MACROD2: variants seen among roughly 807,000 people sequenced by gnomAD.
MACROD2 encodes mono-ADP ribosylhydrolase 2.
In MACROD2, 36 loss-of-function variants were observed where a neutral mutation model predicts 70.4. The observed-to-expected ratio is 0.51, with a 90% CI of 0.39 to 0.68. The LOEUF is 0.68. Among genes scored for constraint, MACROD2 ranks in the 30% least tolerant of loss-of-function variants. The pLI is 0.00. For synonymous variants in MACROD2, 172 were observed against 178.8 expected, an observed-to-expected ratio of 0.96 and a Z score of 0.30; for missense variants, 496 against 538.4, an observed-to-expected ratio of 0.92 and a Z score of 0.78.
At chr20:14,822,015 C>A (rs2072850853) in intron 5 of MACROD2, among the ~76,000 whole-genome samples, 1 of 151,970 alleles carries the variant, frequency 6.6e-6, no homozygotes, top group African/African-American at 2.4e-5. Context: ...ATTCAGAAAT[C>A]CATAAAGTAG....
chr20:14,843,542 A>C (rs1363224096), intron 5 of MACROD2, among the ~76,000 whole-genome samples: 2 of 152,036 alleles, frequency 1.3e-5, no homozygotes, highest in African/African-American at 4.8e-5. Context: ...TGTCCTGTTG[A>C]TGGACTGAAA....
intron 8 of MACROD2, among the ~76,000 whole-genome samples, chr20:15,547,681 T>C (rs2048042847): frequency 6.6e-6 from 1 of 152,226 alleles, no homozygotes; most frequent in South Asian, 2.1e-4. Flanking sequence ...CATTTAGTCG[T>C]TCTCCTCTGC....
intron 6 of MACROD2, among the ~76,000 whole-genome samples, chr20:15,399,980 C>T (rs985175944): frequency 2.0e-5 from 3 of 152,132 alleles, no homozygotes; most frequent in African/African-American, 7.2e-5. Flanking sequence ...GTGGAACCCA[C>T]CCATGTTCAG....
At chr20:15,574,215 AT>A (rs201593391) in intron 8 of MACROD2, among the ~76,000 whole-genome samples, 1 of 151,640 alleles carries the variant, frequency 6.6e-6, no homozygotes, top group Non-Finnish European at 1.5e-5. Context: ...TGTCATAATG[AT>A]TTTTTTTTAC....
At chr20:14,280,042 A>G (rs2082294361) in intron 3 of MACROD2, among the ~76,000 whole-genome samples, 1 of 152,170 alleles carries the variant, frequency 6.6e-6, no homozygotes, top group Admixed American at 6.5e-5. Context: ...TTATTAACCT[A>G]GAACATGTGT....
chr20:14,473,782 C>T (rs921667560), intron 3 of MACROD2, among the ~76,000 whole-genome samples: 1 of 152,132 alleles, frequency 6.6e-6, no homozygotes, highest in African/African-American at 2.4e-5. Flanking sequence ...TGTAAGAGTT[C>T]CCCTTTCTTC....
intron 8 of MACROD2, among the ~76,000 whole-genome samples, chr20:15,800,998 C>G (rs3865533): frequency 2.0e-5 from 3 of 150,924 alleles, no homozygotes; most frequent in East Asian, 4.0e-4. Flanking sequence ...CAGCATGCTC[C>G]TTAAGAGTCA....
At chr20:14,688,095 G>A (rs2071022895) in intron 5 of MACROD2, among the ~76,000 whole-genome samples, 1 of 152,110 alleles carries the variant, frequency 6.6e-6, no homozygotes, top group Admixed American at 6.6e-5. Flanking sequence ...TGAAAAGGGA[G>A]CTCGTTACAT....
intron 5 of MACROD2, among the ~76,000 whole-genome samples, chr20:15,020,206 GT>G (rs2075154356): frequency 2.6e-5 from 4 of 152,266 alleles, no homozygotes; most frequent in African/African-American, 9.6e-5. Flanking sequence ...CCACTACTGT[GT>G]TCTCTTGATT....
intron 5 of MACROD2, among the ~76,000 whole-genome samples, chr20:14,700,783 C>A (rs1453035284): frequency 6.6e-6 from 1 of 152,064 alleles, no homozygotes; most frequent in Non-Finnish European, 1.5e-5. Flanking sequence ...AATCTACATA[C>A]CAAACATAGG....
At chr20:14,062,280 T>C (rs947788568) in intron 2 of MACROD2, among the ~76,000 whole-genome samples, 5 of 152,182 alleles carry the variant, frequency 3.3e-5, no homozygotes, top group Non-Finnish European at 7.4e-5. Flanking sequence ...GTGTTTACCA[T>C]GTGTCAGTCA....
chr20:15,070,533 C>G (rs1014357624), intron 5 of MACROD2, among the ~76,000 whole-genome samples: 8 of 152,074 alleles, frequency 5.3e-5, no homozygotes, highest in Admixed American at 5.2e-4. Context: ...GTGTTTAGCT[C>G]TTAGGGAGCA....
intron 5 of MACROD2, among the ~76,000 whole-genome samples, chr20:15,105,200 T>C (rs925038717): frequency 2.0e-5 from 3 of 152,186 alleles, no homozygotes; most frequent in African/African-American, 7.2e-5. Flanking sequence ...GATGTTTTTT[T>C]TCTCTCCAAC....
chr20:14,097,075 C>G (rs913677836), intron 3 of MACROD2, among the ~76,000 whole-genome samples: 2 of 152,204 alleles, frequency 1.3e-5, no homozygotes, highest in Non-Finnish European at 2.9e-5. Context: ...AATATTTCCT[C>G]TATTTCCCAA....
chr20:14,067,744 C>T (rs987806959), intron 2 of MACROD2, among the ~76,000 whole-genome samples: 4 of 152,098 alleles, frequency 2.6e-5, no homozygotes, highest in African/African-American at 9.7e-5. Context: ...ATAAAAAATC[C>T]TGGGAGAGTG....
chr20:14,623,629 G>A (rs191139783), intron 4 of MACROD2, among the ~76,000 whole-genome samples: 18 of 152,154 alleles, frequency 1.2e-4, no homozygotes, highest in African/African-American at 1.7e-4. Context: ...ACAGATGGTC[G>A]TGTTCTGGAG....
At chr20:15,530,716 C>CAAAAAAAAAAAA (rs57826871) in intron 8 of MACROD2, among the ~76,000 whole-genome samples, 1 of 90,592 alleles carries the variant, frequency 1.1e-5, no homozygotes. Context: ...CTCCATCTCA[C>CAAAAAAAAAAAA]AAAAAAAAAA....
intron 5 of MACROD2, among the ~76,000 whole-genome samples, chr20:14,798,404 T>G (rs2122130859): frequency 6.6e-6 from 1 of 152,204 alleles, no homozygotes; most frequent in East Asian, 1.9e-4. Context: ...AGGTCTGGTT[T>G]GGGAAGATCA....
intron 5 of MACROD2, among the ~76,000 whole-genome samples, chr20:14,705,421 C>T (rs2071257815): frequency 6.6e-6 from 1 of 152,148 alleles, no homozygotes; most frequent in Non-Finnish European, 1.5e-5. Flanking sequence ...TGTATTGTCA[C>T]TGAATGAATA....
Sources: allele counts gnomAD v4.1 joint callset (sites outside exome capture counted in the v4.1 genomes callset), GRCh38; gene constraint gnomAD v4.1.1; transcripts MANE v1.5; gene names NCBI Gene and HGNC (gene_info 2026-07-23, HGNC 2026-07-21).